Variants in SGMS1 observed in about 807,000 individuals in gnomAD.
SGMS1 encodes the protein sphingomyelin synthase 1, also known as phosphatidylcholine:ceramide cholinephosphotransferase 1.
A neutral mutation model predicts 46.2 loss-of-function variants in SGMS1; 13 were observed. The ratio of observed to expected loss-of-function variants is 0.28; its 90% confidence interval spans 0.18 to 0.45. The LOEUF (loss-of-function observed/expected upper bound fraction) is 0.45, where lower values mean the gene tolerates loss of function less well. SGMS1 is among the 20% of genes least tolerant of loss of function. SGMS1 has a pLI of 1.00. For missense variants in SGMS1, 324 were observed against 519.9 expected, an observed-to-expected ratio of 0.62 and a Z score of 3.66; for synonymous variants, 203 against 187.8, an observed-to-expected ratio of 1.08 and a Z score of -0.66.
intron 2 of SGMS1, among the ~76,000 whole-genome samples, chr10:50,556,830 C>G (rs3011794): frequency 0.17 from 26,442 of 152,146 alleles, 2,982 homozygotes; most frequent in Non-Finnish European, 0.26. Flanking sequence ...AGTCCACTGA[C>G]AAGTCCAAAG....
intron 3 of SGMS1, among the ~76,000 whole-genome samples, chr10:50,507,486 A>G (rs574676648): frequency 4.3e-4 from 65 of 151,838 alleles, no homozygotes; most frequent in African/African-American, 1.5e-3. Context: ...TTTATCAAAC[A>G]CTCTGGAGGG....
intron 1 of SGMS1, among the ~76,000 whole-genome samples, chr10:50,598,229 C>T (rs1440947175): frequency 1.3e-5 from 2 of 151,946 alleles, no homozygotes; most frequent in East Asian, 1.9e-4. Flanking sequence ...AGAGAGATGA[C>T]TTCTCTCTCT....
chr10:50,507,777 C>T (rs1214187543), intron 3 of SGMS1, among the ~76,000 whole-genome samples: 1 of 152,208 alleles, frequency 6.6e-6, no homozygotes, highest in Non-Finnish European at 1.5e-5. Flanking sequence ...CAATTACACG[C>T]ACTTAGTGAC....
chr10:50,498,506 C>T (rs946328653), intron 3 of SGMS1, among the ~76,000 whole-genome samples: 2 of 152,162 alleles, frequency 1.3e-5, no homozygotes, highest in Non-Finnish European at 2.9e-5. Context: ...AACCACCATT[C>T]TACTTTCTGT....
chr10:50,572,520 G>A (rs1220934474), intron 2 of SGMS1, among the ~76,000 whole-genome samples: 1 of 152,136 alleles, frequency 6.6e-6, no homozygotes, highest in African/African-American at 2.4e-5. Context: ...GTTGGGGGAA[G>A]AAGGGAGAGA....
At chr10:50,459,019 G>A (rs1327528281) in intron 5 of SGMS1, among the ~76,000 whole-genome samples, 1 of 152,124 alleles carries the variant, frequency 6.6e-6, no homozygotes, top group Admixed American at 6.5e-5. Flanking sequence ...AAAGAATTCA[G>A]GTTCTAAAAC....
chr10:50,515,221 G>C (rs534483185), intron 3 of SGMS1, among the ~76,000 whole-genome samples: 1 of 152,266 alleles, frequency 6.6e-6, no homozygotes, highest in East Asian at 1.9e-4. Flanking sequence ...GGAGACACAG[G>C]AACACTGCTC....
At chr10:50,321,507 T>C (rs1020117072) in intron 8 of SGMS1, among the ~76,000 whole-genome samples, 1 of 151,998 alleles carries the variant, frequency 6.6e-6, no homozygotes. Flanking sequence ...AGAACAGATT[T>C]AGGATGGGAA....
chr10:50,535,232 A>AAAC (rs56048855), intron 2 of SGMS1, among the ~76,000 whole-genome samples: 150,978 of 151,360 alleles, frequency 1, 75,300 homozygotes, highest in Middle Eastern at 1. Context: ...GTCCATCTCA[A>AAAC]AACAACAACA....
chr10:50,544,566 T>C (rs989078151), intron 2 of SGMS1, among the ~76,000 whole-genome samples: 30 of 152,218 alleles, frequency 2.0e-4, no homozygotes, highest in Non-Finnish European at 4.4e-5. Flanking sequence ...CAAAAGCTTT[T>C]ATTGAAAAGG....
At chr10:50,531,675 C>T (rs757913621) in intron 2 of SGMS1, among the ~76,000 whole-genome samples, 11 of 152,178 alleles carry the variant, frequency 7.2e-5, no homozygotes, top group Non-Finnish European at 1.2e-4. Context: ...TCCTACCCAA[C>T]GGTCTGAACT....
intron 3 of SGMS1, among the ~76,000 whole-genome samples, chr10:50,484,022 G>T (rs565318430): frequency 2.0e-5 from 3 of 152,036 alleles, no homozygotes; most frequent in African/African-American, 7.2e-5. Flanking sequence ...AAGCTAGCAG[G>T]AGACAAAAAT....
At chr10:50,617,042 T>C (rs1838804549) in intron 1 of SGMS1, among the ~76,000 whole-genome samples, 1 of 152,104 alleles carries the variant, frequency 6.6e-6, no homozygotes, top group Non-Finnish European at 1.5e-5. Flanking sequence ...TTCTGCCATA[T>C]AAAACACACT....
intron 1 of SGMS1, among the ~76,000 whole-genome samples, chr10:50,612,779 G>A (rs776614535): frequency 5.9e-5 from 9 of 152,154 alleles, no homozygotes; most frequent in Non-Finnish European, 1.0e-4. Context: ...CGTGATCGCG[G>A]CTCACTGCAG....
chr10:50,458,339 C>CTCT (rs1486288081), intron 5 of SGMS1, among the ~76,000 whole-genome samples: 108 of 97,150 alleles, frequency 1.1e-3, no homozygotes, highest in Non-Finnish European at 1.7e-3. Context: ...TTCTTTTTCT[C>CTCT]TTTTTTTTTT....
At chr10:50,407,044 C>T (rs61856763) in intron 6 of SGMS1, among the ~76,000 whole-genome samples, 28,816 of 152,106 alleles carry the variant, frequency 0.19, 2,945 homozygotes, top group Admixed American at 0.24. Context: ...ATTAAACTTT[C>T]CTTGTTTAAA....
intron 1 of SGMS1, among the ~76,000 whole-genome samples, chr10:50,601,050 TC>T (rs1462682098): frequency 6.6e-6 from 1 of 152,206 alleles, no homozygotes; most frequent in East Asian, 1.9e-4. Context: ...AACATGATCA[TC>T]CTTGCAGTTT....
intron 5 of SGMS1, among the ~76,000 whole-genome samples, chr10:50,437,194 A>G (rs1849485388): frequency 6.6e-6 from 1 of 152,218 alleles, no homozygotes; most frequent in South Asian, 2.1e-4. Context: ...GCCACAAAAA[A>G]AGAGGTATCC....
At chr10:50,618,649 G>A (rs1358390370) in intron 1 of SGMS1, among the ~76,000 whole-genome samples, 1 of 152,148 alleles carries the variant, frequency 6.6e-6, no homozygotes, top group Non-Finnish European at 1.5e-5. Flanking sequence ...GAGTAAGAAC[G>A]TGGGGAATCA....
Sources: allele counts gnomAD v4.1 joint callset (sites outside exome capture counted in the v4.1 genomes callset), GRCh38; gene constraint gnomAD v4.1.1; transcripts MANE v1.5; gene names NCBI Gene and HGNC (gene_info 2026-07-23, HGNC 2026-07-21).